FAT4: variants seen among roughly 807,000 people sequenced by gnomAD.
The protein encoded by FAT4 is protocadherin Fat 4.
In FAT4, 84 loss-of-function variants were observed where a neutral mutation model predicts 303.9. The ratio of observed to expected loss-of-function variants is 0.28; its 90% confidence interval spans 0.23 to 0.33. The LOEUF is 0.33. FAT4 is among the 10% of genes least tolerant of loss of function. The pLI is 1.00. For missense variants in FAT4, 6,005 were observed against 6,146.8 expected (o/e 0.98, Z 0.77); for synonymous variants, 2,307 against 2,298.8 (o/e 1.00, Z -0.10).
At chr4:125,345,052 T>G (rs1731944386) in intron 2 of FAT4, among the ~76,000 whole-genome samples, 1 of 152,144 alleles carries the variant, frequency 6.6e-6, no homozygotes, top group South Asian at 2.1e-4. Flanking sequence ...CCATGTGTAA[T>G]TTGGTCATGG....
chr4:125,450,927 A>G lies in FAT4; in HGVS notation c.9917A>G (p.Tyr3306Cys), dbSNP rs771148310. Reference sequence around the variant, plus strand: ...CCCCGTTTTGTTTCCAAACTTTACTATTTTGAAATCTCAGAAGCAGCTCCT... The same window carrying G: ...CCCCGTTTTGTTTCCAAACTTTACTGTTTTGAAATCTCAGAAGCAGCTCCT... ...YVPRFVSKLY[Y>C]FEISEAAPKG... The change falls in exon 10 of 18, where the codon TAT (tyrosine) becomes TGT (cysteine). Residue 3306 changes from tyrosine to cysteine, a missense_variant. Physicochemically the swap from Tyr to Cys is radical, Grantham distance 194. Transcript: ENST00000394329. 3 of 1,613,980 alleles carry G rather than the reference A, an allele frequency of 1.9e-6. No individual in the cohort carries two copies. The highest frequency in any genetic ancestry group is 2.5e-6 in the Non-Finnish European group (3 of 1,180,016).
At chr4:125,438,088 C>G (rs1209020824) in intron 8 of FAT4, among the ~76,000 whole-genome samples, 4 of 152,102 alleles carry the variant, frequency 2.6e-5, no homozygotes, top group African/African-American at 9.7e-5. Context: ...ATGTTATAAT[C>G]TAATAATTCT....
chr4:125,418,218 CA>C (rs1735148598), intron 7 of FAT4, among the ~76,000 whole-genome samples: 1 of 152,010 alleles, frequency 6.6e-6, no homozygotes, highest in South Asian at 2.1e-4. Flanking sequence ...CAAAGTGTTT[CA>C]AAAAAATTTT....
At position 125,316,365 on chromosome 4, in the gene FAT4, T is replaced by C. The variant is rs758678446; in HGVS notation, c.-12-35T>C. ...TCCCTGTAAATATCATTGCGTTTGC[T>C]TCACCCCTTCCTTCTCTTTATCACA... On this transcript the variant is annotated intron_variant, in intron 1 of 17. Coordinates refer to ENST00000394329, the MANE Select transcript of FAT4 (RefSeq NM_001291303.3). The surrounding 1 kb of genome is among the most constrained non-coding windows in gnomAD (Gnocchi z 5.7). 3 of 1,544,748 alleles carry C rather than the reference T, an allele frequency of 1.9e-6. No individual in the cohort carries two copies. The highest frequency in any genetic ancestry group is 2.0e-5 in the Admixed American group (1 of 51,214).
chr4:125,452,813 A>T lies in FAT4; in HGVS notation c.11800+3A>T. 1 of 1,601,196 alleles carries T rather than the reference A, an allele frequency of 6.2e-7. No individual in the cohort carries two copies. Among genetic ancestry groups the T allele is most frequent in the Non-Finnish European group, 8.5e-7 (1 of 1,173,072 alleles). ...TGTTTGCAAAACTGGATACACAGGTATGACAACGTTTGTACTTTTCTCACT... is the reference window on the plus strand; with the variant it reads ...TGTTTGCAAAACTGGATACACAGGTTTGACAACGTTTGTACTTTTCTCACT... On this transcript the variant is annotated splice_donor_region_variant and intron_variant, in intron 10 of 17. Transcript: ENST00000394329.
chr4:125,408,242 A>G (rs1227526607), intron 4 of FAT4, among the ~76,000 whole-genome samples: 1 of 152,180 alleles, frequency 6.6e-6, no homozygotes, highest in African/African-American at 2.4e-5. Flanking sequence ...TCCACTGGAT[A>G]TCTGATATGT....
chr4:125,414,038 AC>A (rs1185101886), intron 5 of FAT4, among the ~76,000 whole-genome samples: 20 of 152,006 alleles, frequency 1.3e-4, no homozygotes, highest in Non-Finnish European at 7.4e-5. Context: ...GCACATCGTT[AC>A]AGGCCAGAGA....
At chr4:125,350,850 T>C (rs761600918) in intron 2 of FAT4, among the ~76,000 whole-genome samples, 31 of 151,768 alleles carry the variant, frequency 2.0e-4, no homozygotes, top group Non-Finnish European at 4.1e-4. Context: ...TATCTATTCA[T>C]CTTCCCCAAT....
intron 15 of FAT4, among the ~76,000 whole-genome samples, chr4:125,480,790 G>T (rs1053448762): frequency 1.3e-5 from 2 of 151,934 alleles, no homozygotes; most frequent in Admixed American, 1.3e-4. Context: ...ATGAGTCATT[G>T]GCTAGATAAA....
chr4:125,451,995 G>A lies in FAT4; in HGVS notation c.10985G>A (p.Ser3662Asn). 2 of 1,614,136 alleles carry A rather than the reference G, an allele frequency of 1.2e-6. No individual in the cohort carries two copies. Residue 3662 changes from serine (S) to asparagine (N), a missense_variant, in exon 10 of 18, where the codon AGT becomes AAT. Ser to Asn is a conservative substitution (Grantham distance 46). Transcript: ENST00000394329. ...ACTTCAGGAGTTACCAGCCTCTTCA[G>A]TATTCCAGGGGGTACTTGTGATCTG... ...SLTSGVTSLF[S>N]IPGGTCDLNS...
At position 125,318,563 on chromosome 4, in the gene FAT4, T is replaced by A. The variant is rs1007361222; in HGVS notation, c.2152T>A (p.Leu718Met). ...CACTGTGTCTGCCACTGACCCAGAC[T>A]TGGGTACCAATGGTACTGTCAAATA... ...ITTVSATDPD[L>M]GTNGTVKYSI... is the part of the protein sequence containing the mutation. The change falls in exon 2 of 18, where the codon TTG becomes ATG. Residue 718 changes from leucine to methionine, a missense_variant. By Grantham distance (15) the Leu-to-Met change is conservative (BLOSUM62 2). Coordinates refer to ENST00000394329, the MANE Select transcript of FAT4 (RefSeq NM_001291303.3). The A allele has an allele frequency of 1.2e-6, 2 of 1,614,056 alleles. No homozygotes were observed. The highest frequency in any genetic ancestry group is 1.7e-6 in the Non-Finnish European group (2 of 1,180,026).
At chr4:125,370,954 T>G (rs188939792) in intron 2 of FAT4, among the ~76,000 whole-genome samples, 58 of 152,180 alleles carry the variant, frequency 3.8e-4, no homozygotes, top group Admixed American at 2.7e-3. Flanking sequence ...GAAACCAGCC[T>G]GGCCAACGTG....
chr4:125,389,657 A>G (rs1046602357), intron 2 of FAT4, among the ~76,000 whole-genome samples: 2 of 152,162 alleles, frequency 1.3e-5, no homozygotes, highest in Non-Finnish European at 2.9e-5. Flanking sequence ...ATGAGTTGGT[A>G]GGTCTTTCCT....
chr4:125,319,704 C>T lies in FAT4; in HGVS notation c.3293C>T (p.Pro1098Leu), dbSNP rs1421508571. ...VILEDVNDNR[P>L]LFNSTNYTFY... ...TTAGAAGATGTAAATGATAACAGAC[C>T]TCTTTTTAACAGTACCAATTACACA... The change falls in exon 2 of 18, where the codon CCT becomes CTT. Residue 1098 changes from proline to leucine, a missense_variant. Physicochemically the swap from Pro to Leu is moderately conservative, Grantham distance 98. Transcript: ENST00000394329. The T allele has an allele frequency of 6.2e-7, 1 of 1,613,998 alleles. No homozygotes were observed. Among genetic ancestry groups the T allele is most frequent in the Admixed American group, 1.7e-5 (1 of 60,020 alleles).
chr4:125,316,354 A>C lies in FAT4; in HGVS notation c.-12-46A>C. 1 of 1,533,780 alleles carries C rather than the reference A, an allele frequency of 6.5e-7. No homozygotes were observed. The highest frequency in any genetic ancestry group is 1.3e-5 in the South Asian group (1 of 79,510). On this transcript the variant is annotated intron_variant, in intron 1 of 17. Coordinates refer to ENST00000394329, the MANE Select transcript of FAT4 (RefSeq NM_001291303.3). The surrounding 1 kb of genome is among the most constrained non-coding windows in gnomAD (Gnocchi z 5.7). Reference sequence around the variant, plus strand: ...GCGCTCCTTAATCCCTGTAAATATCATTGCGTTTGCTTCACCCCTTCCTTC... The same window carrying C: ...GCGCTCCTTAATCCCTGTAAATATCCTTGCGTTTGCTTCACCCCTTCCTTC...
Position 125,491,446 on chromosome 4 carries a change from A to C in FAT4, c.14630A>C (p.Glu4877Ala). 1.2e-6 allele frequency: 2 copies of C among 1,614,184 alleles called. No homozygotes were observed. The highest frequency in any genetic ancestry group is 1.7e-6 in the Non-Finnish European group (2 of 1,180,022). Residue 4877 changes from glutamate (E) to alanine (A), a missense_variant, in exon 18 of 18, where the codon GAA becomes GCA. Glu to Ala is a moderately radical substitution (Grantham distance 107). Transcript: ENST00000394329. ...ATGCCCAAATTATCTCAAGTCAATG[A>C]ATCTGATGCAGATGATGAAGATAAT... The part of the protein sequence containing the change: ...SRMPKLSQVN[E>A]SDADDEDNYG...
chr4:125,369,705 C>T (rs1056129277), intron 2 of FAT4, among the ~76,000 whole-genome samples: 19 of 152,170 alleles, frequency 1.2e-4, no homozygotes, highest in African/African-American at 4.1e-4. Flanking sequence ...CAACTGTAGC[C>T]GTCATCTATC....
intron 17 of FAT4, among the ~76,000 whole-genome samples, chr4:125,488,911 G>A (rs1248542390): frequency 2.0e-5 from 3 of 152,042 alleles, no homozygotes; most frequent in African/African-American, 7.2e-5. Context: ...ATGTAGAGGA[G>A]AATAAGTCGG....
chr4:125,321,038 A>C lies in FAT4; in HGVS notation c.4627A>C (p.Ile1543Leu), dbSNP rs1730918333. The change falls in exon 2 of 18, where the codon ATT (isoleucine) becomes CTT (leucine). Residue 1543 changes from isoleucine (I) to leucine (L), a missense_variant. Transcript: ENST00000394329. The stretch of plus-strand genomic sequence containing the variant: ...CCTTGCTGCAGACCCATCAGCTGTG[A>C]TTGGTTCCGTTCTGACAACAATTAT... Reference protein sequence around the residue: ...NALAADPSAVIGSVLTTIMAA... With the variant: ...NALAADPSAVLGSVLTTIMAA... 2 of 1,614,048 alleles carry C rather than the reference A, an allele frequency of 1.2e-6. No individual in the cohort carries two copies. The highest frequency in any genetic ancestry group is 2.2e-5 in the South Asian group (2 of 91,078).
Sources: allele counts gnomAD v4.1 joint callset (sites outside exome capture counted in the v4.1 genomes callset), GRCh38; gene constraint gnomAD v4.1.1; non-coding constraint Gnocchi (gnomAD v3.1); transcripts MANE v1.5; gene names NCBI Gene and HGNC (gene_info 2026-07-23, HGNC 2026-07-21).